The following AQR variants were observed in gnomAD, a reference collection of about 807,000 sequenced individuals.
The protein encoded by AQR is aquarius intron-binding spliceosomal factor.
A neutral mutation model predicts 180.5 loss-of-function variants in AQR; 61 were observed. The ratio of observed to expected loss-of-function variants is 0.34; its 90% CI spans 0.28 to 0.42. The LOEUF is 0.42. AQR is among the 10% of genes least tolerant of loss of function. The pLI, the probability that AQR is intolerant of heterozygous loss-of-function variation, is 1.00. For synonymous variants in AQR, 551 were observed against 588.8 expected (o/e 0.94, Z 0.93); for missense variants, 1,281 against 1,798.3 (o/e 0.71, Z 5.20).
At position 34,884,617 on chromosome 15, in the gene AQR, G is replaced by C. The variant is rs1173677805; in HGVS notation, c.2935C>G (p.Gln979Glu). 1 of 1,610,020 alleles carries C rather than the reference G, an allele frequency of 6.2e-7. No individual in the cohort carries two copies. Residue 979 changes from glutamine (Q) to glutamate (E), a missense_variant, in exon 26 of 35, where the codon CAA becomes GAA. Physicochemically the swap from Gln to Glu is conservative, Grantham distance 29. This residue lies in a region of AQR where 125 missense variants were observed against 185.0 expected (regional missense o/e 0.68). Coordinates refer to ENST00000156471, the MANE Select transcript of AQR (RefSeq NM_014691.3). ...PFHEYFANAP[Q>E]PIFKGRSYEE... The stretch of plus-strand genomic sequence containing the variant: ...TAAGATCTTCCTTTAAAAATGGGTT[G>C]AGGAGCATTTGCAAAGTATTCATGG...
At chr15:34,907,608 G>T (rs1329616915) in intron 17 of AQR, among the ~76,000 whole-genome samples, 1 of 152,186 alleles carries the variant, frequency 6.6e-6, no homozygotes, top group Admixed American at 6.5e-5. Flanking sequence ...TTTTAATTGG[G>T]GGACTGGTTA....
chr15:34,923,318 T>C (rs1455414948), intron 13 of AQR, among the ~76,000 whole-genome samples: 1 of 152,192 alleles, frequency 6.6e-6, no homozygotes, highest in Admixed American at 6.5e-5. Flanking sequence ...GCTGCTGTAT[T>C]GAGTTCTGAG....
At chr15:34,917,562 A>T (rs1347749320) in intron 15 of AQR, among the ~76,000 whole-genome samples, 1 of 152,166 alleles carries the variant, frequency 6.6e-6, no homozygotes, top group Non-Finnish European at 1.5e-5. Flanking sequence ...GGTGATCATT[A>T]CCTGCTTTAC....
At chr15:34,876,056 T>C in intron 27 of AQR, 50 bp from the exon 28 acceptor site, 2 of 1,356,886 alleles carry the variant, frequency 1.5e-6, no homozygotes, top group Non-Finnish European at 1.0e-6. Flanking sequence ...GTCAAACAAC[T>C]ACCATCATAA....
intron 3 of AQR, among the ~76,000 whole-genome samples, chr15:34,958,974 TATATAGATATAGATATAG>T (rs11270252): frequency 0.51 from 76,551 of 149,318 alleles, 22,696 homozygotes; most frequent in South Asian, 0.68. Context: ...TACATATAGA[TATATAGATATAGATATAG>T]ATATAGATAT....
chr15:34,882,042 G>A lies in AQR; in HGVS notation c.3165+460C>T, dbSNP rs918854999. Reference sequence around the variant, plus strand: ...GCTGGTCTCAAACTCCTGACCTCAAGTGATCTGCCCACCTTGGCCTCCTAA... The same window carrying A: ...GCTGGTCTCAAACTCCTGACCTCAAATGATCTGCCCACCTTGGCCTCCTAA... On this transcript the variant is annotated intron_variant, in intron 27 of 34. Coordinates refer to ENST00000156471, the MANE Select transcript of AQR (RefSeq NM_014691.3). 3.9e-5 allele frequency among the ~76,000 whole-genome samples: 6 copies of A among 152,266 alleles called. No individual in the cohort carries two copies. In the South Asian group the frequency reaches 1.2e-3, roughly 32 times the overall value.
intron 5 of AQR, among the ~76,000 whole-genome samples, chr15:34,946,699 G>A (rs1894127609): frequency 7.2e-6 from 1 of 139,722 alleles, no homozygotes; most frequent in South Asian, 2.3e-4. Context: ...CCGTCCGGGA[G>A]GGAGGTGGGG....
At position 34,875,983 on chromosome 15, in the gene AQR, C is replaced by T; in HGVS notation, c.3189G>A (p.Glu1063=). ...TTTCTATCTCCAGAATCTGAGCAGC[C>T]TCTTCCATCAAAATGTTGTCATACT... ...GFKYDNILME[E]AAQILEIETF... is the part of the protein sequence containing the mutation. The change falls in exon 28 of 35, where the codon GAG becomes GAA. Residue 1063 remains glutamate, a synonymous_variant. Transcript: ENST00000156471. 2 of 1,611,700 alleles carry T rather than the reference C, an allele frequency of 1.2e-6. No individual in the cohort carries two copies. Among genetic ancestry groups the T allele is most frequent in the South Asian group, 2.2e-5 (2 of 90,902 alleles).
chr15:34,927,401 A>G (rs1368185451), intron 12 of AQR, among the ~76,000 whole-genome samples: 1 of 152,230 alleles, frequency 6.6e-6, no homozygotes, highest in Non-Finnish European at 1.5e-5. Flanking sequence ...TATACAAAAT[A>G]GCCACAAAGG....
Position 34,897,676 on chromosome 15 carries a change from C to T in AQR, c.2273G>A (p.Gly758Glu). Residue 758 changes from glycine to glutamate, a missense_variant, in exon 21 of 35, where the codon GGG (glycine) becomes GAG (glutamate). Physicochemically the swap from Gly to Glu is moderately conservative, Grantham distance 98. Transcript: ENST00000156471. ...RITFPVRSGK[G>E]KKRKDADVED... ...CACATCCGCATCTTTCCTTTTCTTC[C>T]CTTTTCCACTTCTTACTGGAAAAGT... The T allele has an allele frequency of 6.2e-7, 1 of 1,613,912 alleles. No individual in the cohort carries two copies. The highest frequency in any genetic ancestry group is 8.5e-7 in the Non-Finnish European group (1 of 1,179,918).
chr15:34,893,368 G>A (rs921961825), intron 23 of AQR, among the ~76,000 whole-genome samples: 7 of 152,126 alleles, frequency 4.6e-5, no homozygotes, highest in Non-Finnish European at 1.0e-4. Flanking sequence ...CAAGGGAGAG[G>A]AGGGGGTCCT....
chr15:34,898,942 T>C (rs997035139), intron 20 of AQR, among the ~76,000 whole-genome samples: 101 of 149,574 alleles, frequency 6.8e-4, no homozygotes, highest in Admixed American at 1.5e-3. Flanking sequence ...CCAAGGTGGG[T>C]GGATCACGAG....
intron 5 of AQR, among the ~76,000 whole-genome samples, chr15:34,946,857 C>T (rs1387983608): frequency 6.7e-6 from 1 of 148,762 alleles, no homozygotes; most frequent in Non-Finnish European, 1.5e-5. Context: ...CCCCTCTGCC[C>T]AGCCAGCCGC....
At chr15:34,863,927 T>C (rs1346238845) in intron 32 of AQR, among the ~76,000 whole-genome samples, 5 of 152,102 alleles carry the variant, frequency 3.3e-5, no homozygotes, top group African/African-American at 9.7e-5. Flanking sequence ...GATGGCTATT[T>C]AAATTTTTGA....
chr15:34,859,391 A>G (rs1892637680), intron 34 of AQR, among the ~76,000 whole-genome samples: 1 of 152,182 alleles, frequency 6.6e-6, no homozygotes, highest in Non-Finnish European at 1.5e-5. Context: ...AAAAAGACGT[A>G]CCATATCAAG....
At chr15:34,886,743 A>G (rs1893065040) in intron 24 of AQR, 82 bp from the exon 25 acceptor site, 9 of 1,387,454 alleles carry the variant, frequency 6.5e-6, no homozygotes, top group Non-Finnish European at 7.8e-6. Flanking sequence ...CAAGAAAATC[A>G]TAATAGCAAA....
intron 25 of AQR, among the ~76,000 whole-genome samples, chr15:34,886,042 T>C (rs552761467): frequency 6.6e-6 from 1 of 152,316 alleles, no homozygotes; most frequent in East Asian, 1.9e-4. Context: ...AAAGTAAAAG[T>C]ACATCTTTAT....
intron 15 of AQR, among the ~76,000 whole-genome samples, chr15:34,915,524 T>A (rs1893569009): frequency 6.6e-6 from 1 of 152,114 alleles, no homozygotes; most frequent in Admixed American, 6.5e-5. Flanking sequence ...TTGTTCTCTG[T>A]ATTAAAAAAC....
chr15:34,947,434 C>T (rs1231571003), intron 5 of AQR, among the ~76,000 whole-genome samples: 4 of 148,602 alleles, frequency 2.7e-5, no homozygotes, highest in African/African-American at 9.8e-5. Context: ...TGTTTATCTG[C>T]TGACCTTCCC....
Sources: allele counts gnomAD v4.1 joint callset (sites outside exome capture counted in the v4.1 genomes callset), GRCh38; gene constraint gnomAD v4.1.1; regional missense constraint gnomAD v4.1.1; transcripts MANE v1.5; gene names NCBI Gene and HGNC (gene_info 2026-07-23, HGNC 2026-07-21).